Variants in CCDC60 observed in about 807,000 individuals in gnomAD.
The protein encoded by CCDC60 is coiled-coil domain-containing protein 60.
A neutral mutation model predicts 63.5 loss-of-function variants in CCDC60; 54 were observed. That is an observed-to-expected ratio of 0.85 (90% CI 0.68 to 1.07). The LOEUF (loss-of-function observed/expected upper bound fraction) is 1.07. CCDC60 is among the 50% of genes least tolerant of loss of function. CCDC60 has a pLI of 0.00. For missense variants in CCDC60, 651 were observed against 684.3 expected (o/e 0.95, Z 0.54); for synonymous variants, 206 against 238.8 (o/e 0.86, Z 1.27).
intron 13 of CCDC60, among the ~76,000 whole-genome samples, chr12:119,532,652 T>A (rs571938141): frequency 3.9e-5 from 6 of 152,052 alleles, no homozygotes; most frequent in African/African-American, 1.4e-4. Context: ...CTCCCACTTA[T>A]GAGTGAGAAC....
Position 119,335,150 on chromosome 12 carries a change from C to A in CCDC60, c.-27C>A. ...TGGAAAAATCCTTGTCTTGGGGGCA[C>A]AGGCTAAAACCTGAAGGATTTTTAA... On this transcript the variant is annotated 5_prime_UTR_variant, in exon 1 of 14. Coordinates refer to ENST00000327554, the MANE Select transcript of CCDC60 (RefSeq NM_178499.5). The A allele has an allele frequency of 4.5e-6, 7 of 1,572,456 alleles. No homozygotes were observed. The highest frequency in any genetic ancestry group is 1.4e-5 in the African/African-American group (1 of 72,760).
chr12:119,483,491 T>C (rs560671029), intron 4 of CCDC60, among the ~76,000 whole-genome samples: 5 of 152,316 alleles, frequency 3.3e-5, no homozygotes, highest in South Asian at 2.1e-4. Context: ...CCCTCCTAGA[T>C]GACTGGGCTG....
At chr12:119,336,065 A>C (rs1955467573) in intron 1 of CCDC60, among the ~76,000 whole-genome samples, 1 of 123,242 alleles carries the variant, frequency 8.1e-6, no homozygotes, top group South Asian at 2.7e-4. Context: ...GGACACAGGA[A>C]GGGGAACATC....
At chr12:119,467,394 C>T (rs1287821878) in intron 2 of CCDC60, among the ~76,000 whole-genome samples, 1 of 152,234 alleles carries the variant, frequency 6.6e-6, no homozygotes, top group Non-Finnish European at 1.5e-5. Context: ...TACCCACCTC[C>T]CAATATGATA....
chr12:119,426,311 T>C (rs1660500754), intron 1 of CCDC60, among the ~76,000 whole-genome samples: 1 of 152,098 alleles, frequency 6.6e-6, no homozygotes, highest in South Asian at 2.1e-4. Context: ...TTGCATCCTT[T>C]ATGTTTTGCT....
chr12:119,344,802 C>T (rs1309679253), intron 1 of CCDC60, among the ~76,000 whole-genome samples: 1 of 151,224 alleles, frequency 6.6e-6, no homozygotes. Context: ...TATCTTCTTC[C>T]TCCTCTTAGA....
intron 1 of CCDC60, among the ~76,000 whole-genome samples, chr12:119,380,347 A>C (rs191914176): frequency 6.6e-6 from 1 of 152,326 alleles, no homozygotes; most frequent in East Asian, 1.9e-4. Context: ...GAATATTTAC[A>C]CCATGGGAAT....
At chr12:119,532,123 C>T (rs1238758446) in intron 13 of CCDC60, among the ~76,000 whole-genome samples, 1 of 152,116 alleles carries the variant, frequency 6.6e-6, no homozygotes, top group Non-Finnish European at 1.5e-5. Context: ...TAGACAAATT[C>T]AAATGCCAAG....
chr12:119,348,601 A>G (rs958545311), intron 1 of CCDC60, among the ~76,000 whole-genome samples: 2 of 152,198 alleles, frequency 1.3e-5, no homozygotes, highest in Non-Finnish European at 2.9e-5. Context: ...CTCACCTGTA[A>G]TAGAATCTCG....
At chr12:119,398,206 T>C (rs1008768594) in intron 1 of CCDC60, among the ~76,000 whole-genome samples, 11 of 147,594 alleles carry the variant, frequency 7.5e-5, no homozygotes, top group African/African-American at 2.8e-4. Flanking sequence ...GGCTGAGGCC[T>C]GGCAAGAATT....
At chr12:119,495,432 T>C (rs1951697748) in intron 5 of CCDC60, among the ~76,000 whole-genome samples, 1 of 152,222 alleles carries the variant, frequency 6.6e-6, no homozygotes, top group South Asian at 2.1e-4. Context: ...ATTTTGCACA[T>C]ACTGTTTTGA....
intron 2 of CCDC60, among the ~76,000 whole-genome samples, chr12:119,438,348 T>G (rs1950368296): frequency 6.6e-6 from 1 of 152,232 alleles, no homozygotes; most frequent in Admixed American, 6.5e-5. Context: ...TCTGAACCTT[T>G]TGTTACACAG....
intron 2 of CCDC60, among the ~76,000 whole-genome samples, chr12:119,440,455 G>T (rs148026416): frequency 6.6e-6 from 1 of 152,120 alleles, no homozygotes; most frequent in African/African-American, 2.4e-5. Flanking sequence ...GCGTTAACCC[G>T]GGAAGTGGAG....
chr12:119,505,315 C>T lies in CCDC60; in HGVS notation c.883+12C>T. The T allele has an allele frequency of 6.4e-7, 1 of 1,566,176 alleles. No homozygotes were observed. Among genetic ancestry groups the T allele is most frequent in the Non-Finnish European group, 8.7e-7 (1 of 1,146,180 alleles). On this transcript the variant is annotated intron_variant, in intron 7 of 13. Transcript: ENST00000327554. ...ACCTCTGTATATGAGTAAGTCCTAC[C>T]TGAGATCTGACTCATCTACCCTGAC...
At chr12:119,380,464 C>A (rs572182634) in intron 1 of CCDC60, among the ~76,000 whole-genome samples, 1 of 152,138 alleles carries the variant, frequency 6.6e-6, no homozygotes, top group South Asian at 2.1e-4. Context: ...ATAGTGAGAA[C>A]CTGACGTCGT....
At chr12:119,511,319 G>A (rs1952209963) in intron 7 of CCDC60, among the ~76,000 whole-genome samples, 1 of 152,174 alleles carries the variant, frequency 6.6e-6, no homozygotes, top group Non-Finnish European at 1.5e-5. Flanking sequence ...CAAGGTTTCT[G>A]CATAATGAAG....
chr12:119,447,262 G>A (rs1196984795), intron 2 of CCDC60, among the ~76,000 whole-genome samples: 1 of 152,144 alleles, frequency 6.6e-6, no homozygotes, highest in African/African-American at 2.4e-5. Flanking sequence ...AAACTCAAAA[G>A]GGAAGCTTTG....
chr12:119,475,032 C>T (rs1350776532), intron 3 of CCDC60, among the ~76,000 whole-genome samples: 1 of 152,136 alleles, frequency 6.6e-6, no homozygotes, highest in Non-Finnish European at 1.5e-5. Context: ...CCCCCAGAAT[C>T]ATGGCTGTTG....
chr12:119,363,919 T>C (rs1955815473), intron 1 of CCDC60, among the ~76,000 whole-genome samples: 2 of 152,332 alleles, frequency 1.3e-5, no homozygotes, highest in South Asian at 2.1e-4. Context: ...ACTTTAAATA[T>C]GTCATTCTGT....
Sources: gnomAD v4.1 joint callset for allele counts (sites outside exome capture counted in the v4.1 genomes callset) on GRCh38, gnomAD v4.1.1 for gene constraint, MANE v1.5 for transcripts, NCBI Gene and HGNC (gene_info 2026-07-23, HGNC 2026-07-21) for gene names.